MGMT: variants seen among roughly 807,000 people sequenced by gnomAD.
The protein encoded by MGMT is methylated-DNA--protein-cysteine methyltransferase.
A neutral mutation model predicts 15.9 loss-of-function variants in MGMT; 14 were observed. That is an observed-to-expected ratio of 0.88 (90% CI 0.58 to 1.37). The LOEUF is 1.37. Ranked by LOEUF, MGMT falls within the 40% of genes most tolerant of loss-of-function variation. MGMT has a pLI of 0.00. For synonymous variants in MGMT, 130 were observed against 118.2 expected (o/e 1.10, Z -0.65); for missense variants, 282 against 268.1 (o/e 1.05, Z -0.36).
At chr10:129,721,325 A>G (rs1475686947) in intron 3 of MGMT, among the ~76,000 whole-genome samples, 1 of 152,258 alleles carries the variant, frequency 6.6e-6, no homozygotes, top group African/African-American at 2.4e-5. Flanking sequence ...GAGAAGAGGG[A>G]ACTATACAGA....
chr10:129,641,199 T>A (rs1213000157), intron 2 of MGMT, among the ~76,000 whole-genome samples: 2 of 152,210 alleles, frequency 1.3e-5, no homozygotes, highest in Non-Finnish European at 2.9e-5. Context: ...GATACTAAAA[T>A]TTTAAATATA....
intron 3 of MGMT, among the ~76,000 whole-genome samples, chr10:129,730,144 G>T (rs1310746530): frequency 6.6e-6 from 1 of 152,144 alleles, no homozygotes; most frequent in Non-Finnish European, 1.5e-5. Flanking sequence ...TCCTGTACTG[G>T]CTGAGAGGGG....
In MGMT at chr10:129,533,865, A is replaced by G. The variant is rs141179005; in HGVS notation, c.-12-2376A>G. ...TGTGGCTCTGAGAAATGGAGATGGG[A>G]GAAGGGGAGGCAGTCACTTTGGAAG... On this transcript the variant is annotated intron_variant, in intron 1 of 4. Coordinates refer to ENST00000651593, the MANE Select transcript of MGMT (RefSeq NM_002412.5). The surrounding 1 kb of genome is among the most constrained non-coding windows in gnomAD (Gnocchi z 4.5). 8.0e-3 allele frequency among the ~76,000 whole-genome samples: 1,221 copies of G among 152,118 alleles called. 15 individuals are homozygous for G. The highest frequency in any genetic ancestry group is 0.028 in the African/African-American group (1,173 of 41,506).
At chr10:129,734,497 C>T (rs986073570) in intron 3 of MGMT, among the ~76,000 whole-genome samples, 1 of 151,764 alleles carries the variant, frequency 6.6e-6, no homozygotes, top group Admixed American at 6.6e-5. Context: ...ACAATCATGT[C>T]ATCTGCAAAC....
chr10:129,506,411 C>T (rs1003589229), intron 1 of MGMT, among the ~76,000 whole-genome samples: 2 of 152,126 alleles, frequency 1.3e-5, no homozygotes, highest in African/African-American at 2.4e-5. Flanking sequence ...TTTCCCATCA[C>T]CCTATGGCAA....
chr10:129,698,855 A>G (rs1277860648), intron 2 of MGMT, among the ~76,000 whole-genome samples: 3 of 152,228 alleles, frequency 2.0e-5, no homozygotes, highest in Non-Finnish European at 2.9e-5. Flanking sequence ...TAATGTTGCA[A>G]ATGTACATAC....
At chr10:129,611,740 C>T (rs1015537213) in intron 2 of MGMT, among the ~76,000 whole-genome samples, 1 of 152,138 alleles carries the variant, frequency 6.6e-6, no homozygotes, top group Non-Finnish European at 1.5e-5. Flanking sequence ...CGGGTGCGCT[C>T]TGGGGGGGCC....
chr10:129,747,637 G>A (rs1285865578), intron 3 of MGMT, among the ~76,000 whole-genome samples: 1 of 152,060 alleles, frequency 6.6e-6, no homozygotes, highest in Non-Finnish European at 1.5e-5. Flanking sequence ...CATTAGTACG[G>A]TACATGTGTT....
chr10:129,650,301 T>G (rs576816179), intron 2 of MGMT, among the ~76,000 whole-genome samples: 8 of 152,276 alleles, frequency 5.3e-5, no homozygotes, highest in African/African-American at 1.9e-4. Flanking sequence ...GGTGTTGTTG[T>G]AAATCTGGTG....
chr10:129,515,710 A>G (rs1457992871), intron 1 of MGMT, among the ~76,000 whole-genome samples: 1 of 152,176 alleles, frequency 6.6e-6, no homozygotes, highest in African/African-American at 2.4e-5. Flanking sequence ...TGTAAGTGGT[A>G]TGACCTCAAG....
intron 2 of MGMT, among the ~76,000 whole-genome samples, chr10:129,584,621 C>G (rs575932815): frequency 6.6e-6 from 1 of 152,178 alleles, no homozygotes; most frequent in East Asian, 1.9e-4. Flanking sequence ...AAAAGGGACC[C>G]CAGACCTACC....
At chr10:129,580,113 C>T (rs1237858241) in intron 2 of MGMT, among the ~76,000 whole-genome samples, 1 of 152,150 alleles carries the variant, frequency 6.6e-6, no homozygotes, top group African/African-American at 2.4e-5. Flanking sequence ...TTTCTAATTG[C>T]GGGTTTTTGT....
intron 2 of MGMT, among the ~76,000 whole-genome samples, chr10:129,667,676 T>C (rs756568291): frequency 1.3e-5 from 2 of 152,200 alleles, no homozygotes; most frequent in Non-Finnish European, 2.9e-5. Flanking sequence ...TGGATGTAAT[T>C]ATTGTTAGTT....
intron 2 of MGMT, among the ~76,000 whole-genome samples, chr10:129,677,878 A>C (rs1178061882): frequency 6.6e-6 from 1 of 152,062 alleles, no homozygotes; most frequent in African/African-American, 2.4e-5. Flanking sequence ...ACTGCCCTTC[A>C]GCTTTTTGAT....
chr10:129,677,417 T>C (rs1847797878), intron 2 of MGMT, among the ~76,000 whole-genome samples: 2 of 152,224 alleles, frequency 1.3e-5, no homozygotes. Context: ...CCCTAACTTC[T>C]GTATTCATCT....
chr10:129,554,534 T>A (rs968226137), intron 2 of MGMT, among the ~76,000 whole-genome samples: 2 of 152,176 alleles, frequency 1.3e-5, no homozygotes, highest in Non-Finnish European at 2.9e-5. Context: ...TGTTTTTGTT[T>A]CTGTTTACTG....
At chr10:129,742,798 C>T (rs998790753) in intron 3 of MGMT, among the ~76,000 whole-genome samples, 5 of 151,258 alleles carry the variant, frequency 3.3e-5, no homozygotes, top group South Asian at 2.1e-4. Context: ...ACAACTGCAA[C>T]GGCCCATGCT....
At chr10:129,633,884 G>A (rs1847237746) in intron 2 of MGMT, among the ~76,000 whole-genome samples, 1 of 152,186 alleles carries the variant, frequency 6.6e-6, no homozygotes, top group South Asian at 2.1e-4. Context: ...GCCGTTTTGT[G>A]ACAGCAATCA....
chr10:129,511,129 ATGCAGGCACGTGCTTCATGTGATGG>A (rs1845678403), intron 1 of MGMT, among the ~76,000 whole-genome samples: 1 of 139,004 alleles, frequency 7.2e-6, no homozygotes, highest in Admixed American at 7.0e-5. Flanking sequence ...AGTATACTAG[ATGCAGGCACGTGCTTCATGTGATGG>A]GAACCCGGTA....
Sources: allele counts gnomAD v4.1 joint callset (sites outside exome capture counted in the v4.1 genomes callset), GRCh38; gene constraint gnomAD v4.1.1; non-coding constraint Gnocchi (gnomAD v3.1); transcripts MANE v1.5; gene names NCBI Gene and HGNC (gene_info 2026-07-23, HGNC 2026-07-21).